The following CELF3 variants were observed in gnomAD, a reference collection of about 807,000 sequenced individuals.
CELF3 encodes CUGBP Elav-like family member 3.
CELF3 carries 26 observed loss-of-function variants against 59.6 expected under a neutral mutation model. The observed-to-expected ratio is 0.44, with a 90% CI of 0.32 to 0.61. CELF3 has a LOEUF of 0.61. CELF3 is among the 20% of genes least tolerant of loss of function. CELF3 has a pLI of 0.06. For synonymous variants in CELF3, 245 were observed against 250.7 expected (o/e 0.98, Z 0.22); for missense variants, 387 against 627.2 (o/e 0.62, Z 4.09).
rs759064526 is a variant in CELF3, at chr1:151,707,864, C to A, written c.558G>T (p.Gln186His). ...TGAACATGCCCAACTGGGTGGCCAC[C>A]TGCTGCATGCGGCGGAGACCTCGCT... Reference protein sequence around the residue: ...EKERGLRRMQQVATQLGMFSP... With the variant: ...EKERGLRRMQHVATQLGMFSP... The change falls in exon 6 of 13, where the codon CAG becomes CAT. Residue 186 changes from glutamine to histidine, a missense_variant. Physicochemically the swap from Gln to His is conservative, Grantham distance 24. Coordinates refer to ENST00000290583, the MANE Select transcript of CELF3 (RefSeq NM_007185.7). 3.1e-5 allele frequency: 50 copies of A among 1,613,842 alleles called. No individual in the cohort carries two copies. Among genetic ancestry groups the A allele is most frequent in the Non-Finnish European group, 1.4e-5 (17 of 1,179,904 alleles).
intron 1 of CELF3, chr1:151,715,522 GCACA>G: frequency 3.2e-5 from 26 of 803,838 alleles, no homozygotes; most frequent in Middle Eastern, 2.7e-4. Context: ...TGCTGCACAC[GCACA>G]CACACACACA....
chr1:151,706,763 T>C, intron 8 of CELF3, 29 bp from the exon 9 acceptor site: 1 of 1,511,328 alleles, frequency 6.6e-7, no homozygotes, highest in South Asian at 1.2e-5. Context: ...ACTATGAGCG[T>C]GGACCTGGCA....
In CELF3 at chr1:151,706,367, G is replaced by A; in HGVS notation, c.989-6C>T. On this transcript the variant is annotated splice_region_variant and splice_polypyrimidine_tract_variant and intron_variant, in intron 9 of 12. Coordinates refer to ENST00000290583, the MANE Select transcript of CELF3 (RefSeq NM_007185.7). Reference sequence around the variant, plus strand: ...GTAGGCTGCTGGGTAGGCTGCTGGGGTGGGGAGAAGAGAGAGGCTGATGGG... The same window carrying A: ...GTAGGCTGCTGGGTAGGCTGCTGGGATGGGGAGAAGAGAGAGGCTGATGGG... The A allele has an allele frequency of 2.6e-6, 4 of 1,544,198 alleles. No homozygotes were observed. The highest frequency in any genetic ancestry group is 3.5e-6 in the Non-Finnish European group (4 of 1,142,974).
rs767180416 is a variant in CELF3, at chr1:151,707,525, G to A, written c.754C>T (p.Pro252Ser). The A allele has an allele frequency of 1.2e-6, 2 of 1,610,512 alleles. No homozygotes were observed. Among genetic ancestry groups the A allele is most frequent in the Non-Finnish European group, 1.7e-6 (2 of 1,179,862 alleles). Residue 252 changes from proline (P) to serine (S), a missense_variant, in exon 7 of 13, where the codon CCC becomes TCC. Physicochemically the swap from Pro to Ser is moderately conservative, Grantham distance 74. Around this residue, in one of 3 missense-constraint regions of CELF3, gnomAD observed 208 missense variants for 354.8 expected, o/e 0.59. Transcript: ENST00000290583. ...AINANGLIAT[P>S]ITPSSGTSTP... is the part of the protein sequence containing the mutation. ...GCCATACCTGAGGATGGGGTGATGG[G>A]GGTGGCGATGAGGCCATTGGCATTG...
intron 2 of CELF3, chr1:151,711,218 A>G: frequency 4.4e-6 from 1 of 227,768 alleles, no homozygotes; most frequent in Non-Finnish European, 8.8e-6. Flanking sequence ...ATGTCTAATC[A>G]GGTTCCGGTC....
In CELF3 at chr1:151,709,361, G is replaced by A; in HGVS notation, c.278-13C>T. 6.2e-7 allele frequency: 1 copy of A among 1,613,946 alleles called. No individual in the cohort carries two copies. The highest frequency in any genetic ancestry group is 1.7e-4 in the Middle Eastern group (1 of 6,054). ...AGCTTCCGGTCTTCTGGGTGGTAGGGCACAGGAGGAGGGCATGTTCAGGGC... is the reference window on the plus strand; with the variant it reads ...AGCTTCCGGTCTTCTGGGTGGTAGGACACAGGAGGAGGGCATGTTCAGGGC... On this transcript the variant is annotated splice_polypyrimidine_tract_variant and intron_variant, in intron 3 of 12. Transcript: ENST00000290583. The surrounding 1 kb of genome is among the most constrained non-coding windows in gnomAD (Gnocchi z 4.9).
Position 151,709,454 on chromosome 1 carries a change from T to G in CELF3, c.278-106A>C, listed in dbSNP as rs1050292348. 12 of 1,495,322 alleles carry G rather than the reference T, an allele frequency of 8.0e-6. No homozygotes were observed. The highest frequency in any genetic ancestry group is 1.1e-5 in the Non-Finnish European group (12 of 1,087,598). The allele number at this position is 1,495,322 out of a possible 1,614,324, so 92.6% of individuals were successfully genotyped here. A position where few individuals can be genotyped will look rare whatever the true frequency, so the allele number is the denominator to read the frequency against. On this transcript the variant is annotated intron_variant, in intron 3 of 12. Transcript: ENST00000290583. This position sits in a 1 kb window ranked among gnomAD's most constrained non-coding sequence, Gnocchi z 4.9. ...GCTCCTAACACTACTTCTGCTACCC[T>G]TAGGGTCCAATGGCTGTAGGGGCTG...
chr1:151,711,206 C>A, intron 2 of CELF3: 1 of 230,810 alleles, frequency 4.3e-6, no homozygotes, highest in Non-Finnish European at 8.7e-6. Context: ...GTGGGCCAGG[C>A]GATGTCTAAT....
chr1:151,708,105 C>T, intron 5 of CELF3, 170 bp from the exon 6 acceptor site: 1 of 687,340 alleles, frequency 1.5e-6, no homozygotes, highest in Non-Finnish European at 2.4e-6. Context: ...CACTCTCTCC[C>T]TATGCTAGGA....
rs1672703633 is a variant in CELF3 at position 151,707,858 on chromosome 1, G to A, written c.564C>T (p.Ala188=). The A allele has an allele frequency of 1.1e-5, 17 of 1,613,864 alleles. No homozygotes were observed. The highest frequency in any genetic ancestry group is 1.4e-5 in the Non-Finnish European group (16 of 1,179,906). The part of the protein sequence containing the change: ...ERGLRRMQQV[A]TQLGMFSPIA... ...TGGGGCTGAACATGCCCAACTGGGTGGCCACCTGCTGCATGCGGCGGAGAC... is the reference window on the plus strand; with the variant it reads ...TGGGGCTGAACATGCCCAACTGGGTAGCCACCTGCTGCATGCGGCGGAGAC... Residue 188 remains alanine (A), a synonymous_variant, in exon 6 of 13, where the codon GCC becomes GCT. Transcript: ENST00000290583.
rs1672476609 is a variant in CELF3 at position 151,705,896 on chromosome 1, A to T, written c.1196T>A (p.Met399Lys). ...QEFTDSEILQMFVPFGHVISA... is the reference protein window; with the variant it reads ...QEFTDSEILQKFVPFGHVISA... ...GATGACGTGGCCAAAGGGGACAAAC[A>T]TCTGGAGGATCTCTGAGTCAGTGAA... The change falls in exon 11 of 13, where the codon ATG becomes AAG. Residue 399 changes from methionine (M) to lysine (K), a missense_variant. This residue lies in a region of CELF3 where 48 missense variants were observed against 118.8 expected (regional missense o/e 0.40). Transcript: ENST00000290583. The surrounding 1 kb of genome is among the most constrained non-coding windows in gnomAD (Gnocchi z 5.1). 1.2e-6 allele frequency: 2 copies of T among 1,614,050 alleles called. No homozygotes were observed. Among genetic ancestry groups the T allele is most frequent in the Non-Finnish European group, 1.7e-6 (2 of 1,179,992 alleles).
Position 151,716,655 on chromosome 1 carries a change from A to AG in CELF3, c.-636dup. 1 of 138,424 alleles carries AG rather than the reference A, an allele frequency of 7.2e-6. No individual in the cohort carries two copies. Among genetic ancestry groups the AG allele is most frequent in the South Asian group, 7.2e-5 (1 of 13,816 alleles). 8.6% of individuals were successfully genotyped at this position (138,424 alleles called of 1,614,324 possible). A position where few individuals can be genotyped will look rare whatever the true frequency, so the allele number is the denominator to read the frequency against. On this transcript the variant is annotated 5_prime_UTR_variant, in exon 1 of 13. Transcript: ENST00000290583. ...CCCTTTTGCCCTGCCGCCCCCCTTC[A>AG]GGTCCTCCCCTCAGCCCCCCTCCCA...
rs909409565 is a variant in CELF3, at chr1:151,700,452, A to G, written c.*3007T>C. Among the ~76,000 whole-genome samples, 1 of 152,252 alleles carries G rather than the reference A, an allele frequency of 6.6e-6. No individual in the cohort carries two copies. The highest frequency in any genetic ancestry group is 2.4e-5 in the African/African-American group (1 of 41,470). ...GAGAAAAGGGACCAAACTTGCCTAG[A>G]GAACAATGAATAGTTCTATTTGGGT... On this transcript the variant is annotated 3_prime_UTR_variant, in exon 13 of 13. Coordinates refer to ENST00000290583, the MANE Select transcript of CELF3 (RefSeq NM_007185.7).
rs1349993670 is a variant in CELF3, at chr1:151,702,096, G to A, written c.*1363C>T. Among the ~76,000 whole-genome samples the A allele has an allele frequency of 6.6e-6, 1 of 152,264 alleles. No individual in the cohort carries two copies. The highest frequency in any genetic ancestry group is 1.5e-5 in the Non-Finnish European group (1 of 68,048). ...CCACACTGGCCTCTGTGCAGAAATG[G>A]AGGTCCAGATGTGAGACTGCAAGTC... On this transcript the variant is annotated 3_prime_UTR_variant, in exon 13 of 13. Transcript: ENST00000290583.
intron 1 of CELF3, chr1:151,715,536 AC>A: frequency 5.6e-6 from 6 of 1,065,450 alleles, no homozygotes; most frequent in Non-Finnish European, 7.7e-6. Context: ...ACACACACAC[AC>A]CCCTACCCAG....
chr1:151,709,383 G>C lies in CELF3; in HGVS notation c.278-35C>G, dbSNP rs1672831452. ...AGGGCACAGGAGGAGGGCATGTTCA[G>C]GGCCTCCTGGCTGCCTTCCCAGCCC... On this transcript the variant is annotated intron_variant, in intron 3 of 12. Transcript: ENST00000290583. This position sits in a 1 kb window ranked among gnomAD's most constrained non-coding sequence, Gnocchi z 4.9. 3.7e-6 allele frequency: 6 copies of C among 1,612,848 alleles called. No homozygotes were observed. Among genetic ancestry groups the C allele is most frequent in the Non-Finnish European group, 5.1e-6 (6 of 1,179,296 alleles).
In CELF3 at chr1:151,714,300, A is replaced by G; in HGVS notation, c.228+294T>C. On this transcript the variant is annotated intron_variant, in intron 2 of 12. Coordinates refer to ENST00000290583, the MANE Select transcript of CELF3 (RefSeq NM_007185.7). ...CAGAGACTTTTCCCCACACCTTCCA[A>G]CCAGCGAGTCCTCCCTCTAGTGTTG... 8.6e-6 allele frequency: 5 copies of G among 579,026 alleles called. No individual in the cohort carries two copies. In the Admixed American group the frequency reaches 1.5e-4, roughly 18 times the overall value. The allele number at this position is 579,026 out of a possible 1,614,324, so 35.9% of individuals were successfully genotyped here. A position where few individuals can be genotyped will look rare whatever the true frequency, so the allele number is the denominator to read the frequency against.
rs1672843825 is a variant in CELF3, at chr1:151,709,539, A to T, written c.278-191T>A. 2 of 935,010 alleles carry T rather than the reference A, an allele frequency of 2.1e-6. No homozygotes were observed. The highest frequency in any genetic ancestry group is 3.3e-5 in the African/African-American group (2 of 60,850). 57.9% of individuals were successfully genotyped at this position (935,010 alleles called of 1,614,324 possible). ...CTCATCCCAGCTCTGAGGGACTCGC[A>T]CTCCACCCTGGGCCTCAGTTTTGCC... On this transcript the variant is annotated intron_variant, in intron 3 of 12. Transcript: ENST00000290583. This position sits in a 1 kb window ranked among gnomAD's most constrained non-coding sequence, Gnocchi z 4.9.
intron 2 of CELF3, among the ~76,000 whole-genome samples, chr1:151,712,396 G>A (rs1673100334): frequency 6.6e-6 from 1 of 152,202 alleles, no homozygotes; most frequent in African/African-American, 2.4e-5. Context: ...ACAGCCTGGG[G>A]TCCTGCCACT....
Sources: allele counts gnomAD v4.1 joint callset (sites outside exome capture counted in the v4.1 genomes callset), GRCh38; gene constraint gnomAD v4.1.1; regional missense constraint gnomAD v4.1.1; non-coding constraint Gnocchi (gnomAD v3.1); transcripts MANE v1.5; gene names NCBI Gene and HGNC (gene_info 2026-07-23, HGNC 2026-07-21).